AKIP1: variants seen among roughly 807,000 people sequenced by gnomAD.
The protein encoded by AKIP1 is A-kinase interacting protein 1.
Under a neutral mutation model 22.3 loss-of-function variants are expected in AKIP1, and 18 were observed. The ratio of observed to expected loss-of-function variants is 0.81; its 90% CI spans 0.56 to 1.19. The LOEUF is 1.19. Ranked by LOEUF, AKIP1 falls within the 50% of genes most tolerant of loss-of-function variation. AKIP1 has a pLI of 0.00. For missense variants in AKIP1, 287 were observed against 264.6 expected (o/e 1.08, Z -0.59); for synonymous variants, 120 against 102.7 (o/e 1.17, Z -1.02).
rs1368295895 is a variant in AKIP1 at position 8,917,476 on chromosome 11, G to A, written c.489+109G>A. The A allele has an allele frequency of 3.4e-6, 3 of 873,836 alleles. No individual in the cohort carries two copies. The African/African-American group carries it at 5.0e-5, about 14-fold the overall frequency. 54.1% of individuals were successfully genotyped at this position (873,836 alleles called of 1,614,324 possible). A position where few individuals can be genotyped will look rare whatever the true frequency, so the allele number is the denominator to read the frequency against. The stretch of plus-strand genomic sequence containing the variant: ...TGAATTGAGTCTATAGTATTTTTAA[G>A]TTGAGATGTTCTTACACTTAAGAAG... On this transcript the variant is annotated intron_variant, in intron 5 of 5. Coordinates refer to ENST00000309377, the MANE Select transcript of AKIP1 (RefSeq NM_020642.4).
chr11:8,913,345 G>A (rs1168405562), intron 3 of AKIP1, among the ~76,000 whole-genome samples: 1 of 151,774 alleles, frequency 6.6e-6, no homozygotes, highest in Non-Finnish European at 1.5e-5. Context: ...ATGCCACCAT[G>A]CCTGGCTAAT....
chr11:8,911,493 G>T lies in AKIP1; in HGVS notation c.44G>T (p.Arg15Leu). The T allele has an allele frequency of 1.2e-6, 2 of 1,607,352 alleles. No homozygotes were observed. The highest frequency in any genetic ancestry group is 8.5e-7 in the Non-Finnish European group (1 of 1,177,164). Reference protein sequence around the residue: ...LAAAALNGVDRRSLQRSARLA... With the variant: ...LAAAALNGVDLRSLQRSARLA... ...GCCGCAGCGCTGAATGGGGTGGACC[G>T]ACGTTCCCTGCAGCGTTCAGCAAGG... The change falls in exon 2 of 6, where the codon CGA becomes CTA. Residue 15 changes from arginine (R) to leucine (L), a missense_variant. Coordinates refer to ENST00000309377, the MANE Select transcript of AKIP1 (RefSeq NM_020642.4).
At chr11:8,911,890 G>A (rs1315563528) in intron 2 of AKIP1, among the ~76,000 whole-genome samples, 2 of 95,574 alleles carry the variant, frequency 2.1e-5, no homozygotes, top group African/African-American at 6.1e-5. Flanking sequence ...GCCCTGGTTG[G>A]TTACTTAAAA....
In AKIP1 at chr11:8,917,338, T is replaced by C. The variant is rs1055167663; in HGVS notation, c.460T>C (p.Ser154Pro). The change falls in exon 5 of 6, where the codon TCA (serine) becomes CCA (proline). Residue 154 changes from serine (S) to proline (P), a missense_variant. Coordinates refer to ENST00000309377, the MANE Select transcript of AKIP1 (RefSeq NM_020642.4). ...TGGTCCTGGAGGCAGCTATCAAATATCAGAGCATGCTCCAGAGGCATCCCA... is the reference window on the plus strand; with the variant it reads ...TGGTCCTGGAGGCAGCTATCAAATACCAGAGCATGCTCCAGAGGCATCCCA... ...SLGPGGSYQISEHAPEASQPA... is the reference protein window; with the variant it reads ...SLGPGGSYQIPEHAPEASQPA... 3.1e-6 allele frequency: 5 copies of C among 1,613,606 alleles called. No individual in the cohort carries two copies. The Admixed American group carries it at 5.0e-5, about 16-fold the overall frequency.
At chr11:8,917,981 A>AC (rs1481976321) in intron 5 of AKIP1, 1 of 152,812 alleles carries the variant, frequency 6.5e-6, no homozygotes, top group Non-Finnish European at 1.5e-5. Context: ...TTGTTTGTAT[A>AC]CGGTTTGCTA....
At chr11:8,912,627 G>C in intron 3 of AKIP1, 94 bp downstream of exon 3, 1 of 1,123,526 alleles carries the variant, frequency 8.9e-7, no homozygotes, top group South Asian at 1.3e-5. Flanking sequence ...GACACTACCT[G>C]TTTCTCCTGC....
At chr11:8,912,960 T>G (rs554064936) in intron 3 of AKIP1, among the ~76,000 whole-genome samples, 21 of 129,816 alleles carry the variant, frequency 1.6e-4, no homozygotes, top group African/African-American at 5.0e-4. Context: ...CTGCAAGCTC[T>G]CCCTCCTGGG....
Position 8,917,376 on chromosome 11 carries a change from G to T in AKIP1, c.489+9G>T. 1 of 1,611,338 alleles carries T rather than the reference G, an allele frequency of 6.2e-7. No homozygotes were observed. Among genetic ancestry groups the T allele is most frequent in the Non-Finnish European group, 8.5e-7 (1 of 1,177,894 alleles). ...CAGAGGCATCCCAGCCTGTGAGTACGGAACTGCTTACGCACTGGGTTTCAC... is the reference window on the plus strand; with the variant it reads ...CAGAGGCATCCCAGCCTGTGAGTACTGAACTGCTTACGCACTGGGTTTCAC... On this transcript the variant is annotated intron_variant, in intron 5 of 5. Coordinates refer to ENST00000309377, the MANE Select transcript of AKIP1 (RefSeq NM_020642.4).
At position 8,916,542 on chromosome 11, in the gene AKIP1, G is replaced by C. The variant is rs142932827; in HGVS notation, c.409-745G>C. ...ACTGAAGTCCAGAGTCTATTCCAGA[G>C]TCTAAGTTGGATTCCTGACTTCTTT... is the stretch of plus-strand genomic sequence containing the variant. On this transcript the variant is annotated intron_variant, in intron 4 of 5. Transcript: ENST00000309377. Among the ~76,000 whole-genome samples, 452 of 152,318 alleles carry C rather than the reference G, an allele frequency of 3.0e-3. 1 individual carries two copies. Among genetic ancestry groups the C allele is most frequent in the Non-Finnish European group, 4.9e-3 (333 of 68,030 alleles).
rs373583406 is a variant in AKIP1 at position 8,912,549 on chromosome 11, C to T, written c.303+16C>T. 10 of 1,607,450 alleles carry T rather than the reference C, an allele frequency of 6.2e-6. No individual in the cohort carries two copies. The highest frequency in any genetic ancestry group is 8.5e-6 in the Non-Finnish European group (10 of 1,173,966). ...TCAGTGTGGGGTAAGTTGGTGTGAA[C>T]CAAAACTATGCCCCATCACCTGCTG... On this transcript the variant is annotated intron_variant, in intron 3 of 5. Coordinates refer to ENST00000309377, the MANE Select transcript of AKIP1 (RefSeq NM_020642.4).
At position 8,911,655 on chromosome 11, in the gene AKIP1, G is replaced by C; in HGVS notation, c.206G>C (p.Arg69Pro). 6.4e-7 allele frequency: 1 copy of C among 1,564,078 alleles called. No homozygotes were observed. Among genetic ancestry groups the C allele is most frequent in the Admixed American group, 1.9e-5 (1 of 52,196 alleles). Residue 69 changes from arginine (R) to proline (P), a missense_variant, in exon 2 of 6, where the codon CGC becomes CCC. Arg to Pro is a moderately radical substitution (Grantham distance 103). Coordinates refer to ENST00000309377, the MANE Select transcript of AKIP1 (RefSeq NM_020642.4). ...LEKQPAAGPQ[R>P]VLPGEREERP... ...AAACAGCCGGCAGCCGGCCCGCAGCGCGTTCTCCCGGGAGAGGTGAGGGTC... is the reference window on the plus strand; with the variant it reads ...AAACAGCCGGCAGCCGGCCCGCAGCCCGTTCTCCCGGGAGAGGTGAGGGTC...
chr11:8,912,640 A>C, intron 3 of AKIP1, 107 bp downstream of exon 3: 1 of 984,054 alleles, frequency 1.0e-6, no homozygotes, highest in South Asian at 1.4e-5. Flanking sequence ...TCTCCTGCCC[A>C]GCCTTCACGG....
At chr11:8,912,290 T>C (rs917655282) in intron 2 of AKIP1, among the ~76,000 whole-genome samples, 163 bp from the exon 3 acceptor site, 2 of 152,162 alleles carry the variant, frequency 1.3e-5, no homozygotes, top group African/African-American at 4.8e-5. Context: ...ATAAATTGCA[T>C]GTCTATCTTT....
intron 4 of AKIP1, 147 bp from the exon 5 acceptor site, chr11:8,917,140 A>G (rs1589925996): frequency 3.6e-6 from 2 of 550,116 alleles, no homozygotes; most frequent in Admixed American, 6.3e-5. Context: ...CACAGAATTC[A>G]CTTAAAAATG....
chr11:8,912,229 C>G (rs1030245881), intron 2 of AKIP1, among the ~76,000 whole-genome samples: 1 of 150,280 alleles, frequency 6.7e-6, no homozygotes, highest in African/African-American at 2.4e-5. Flanking sequence ...AATCTTACAG[C>G]TATCATCTGA....
chr11:8,912,606 C>T (rs1157974134), intron 3 of AKIP1, 73 bp downstream of exon 3: 31 of 1,368,482 alleles, frequency 2.3e-5, no homozygotes, highest in Admixed American at 5.2e-5. Flanking sequence ...CTGGAATTTA[C>T]GGAGAATCTG....
intron 5 of AKIP1, chr11:8,917,793 G>A (rs1215031359): frequency 3.8e-6 from 1 of 265,342 alleles, no homozygotes; most frequent in Non-Finnish European, 7.0e-6. Context: ...AACATTTGAA[G>A]GCATTTGTTC....
intron 5 of AKIP1, 104 bp from the exon 6 acceptor site, chr11:8,919,233 C>T (rs1368570362): frequency 2.7e-6 from 3 of 1,127,134 alleles, no homozygotes; most frequent in Non-Finnish European, 3.8e-6. Flanking sequence ...CACATTAGCG[C>T]TTCATTCCAT....
rs1133833 is a variant in AKIP1 at position 8,911,517 on chromosome 11, G to C, written c.68G>C (p.Arg23Thr). The change falls in exon 2 of 6, where the codon AGG (arginine) becomes ACG (threonine). Residue 23 changes from arginine (R) to threonine (T), a missense_variant. Arg to Thr is a moderately conservative substitution (Grantham distance 71, BLOSUM62 -1). Transcript: ENST00000309377. ...CGACGTTCCCTGCAGCGTTCAGCAA[G>C]GCTGGCTCTAGAAGTGCTGGAGAGG... ...VDRRSLQRSARLALEVLERAK... is the reference protein window; with the variant it reads ...VDRRSLQRSATLALEVLERAK... The C allele has an allele frequency of 6.2e-7, 1 of 1,608,604 alleles. No homozygotes were observed. Among genetic ancestry groups the C allele is most frequent in the Non-Finnish European group, 8.5e-7 (1 of 1,177,654 alleles).
Sources: gnomAD v4.1 joint callset for allele counts (sites outside exome capture counted in the v4.1 genomes callset) on GRCh38, gnomAD v4.1.1 for gene constraint, MANE v1.5 for transcripts, NCBI Gene and HGNC (gene_info 2026-07-23, HGNC 2026-07-21) for gene names.